The following KMT2B variants were observed in gnomAD, a reference collection of about 807,000 sequenced individuals.
KMT2B encodes the protein lysine methyltransferase 2B.
KMT2B carries 22 observed loss-of-function variants against 255.3 expected under a neutral mutation model. That is an observed-to-expected ratio of 0.09 (90% CI 0.06 to 0.12). KMT2B has a LOEUF of 0.12. Among genes scored for constraint, KMT2B ranks in the 10% least tolerant of loss-of-function variants. The probability of loss-of-function intolerance (pLI) is 1.00; values close to 1 mark genes in which losing one functional copy is unlikely to be tolerated. For synonymous variants in KMT2B, 1,730 were observed against 1,498.1 expected (o/e 1.15, Z -3.57); for missense variants, 3,149 against 3,737.0 (o/e 0.84, Z 4.10).
Position 35,720,025 on chromosome 19 carries a change from G to A in KMT2B, c.678G>A (p.Arg226=), listed in dbSNP as rs1398647497. The A allele has an allele frequency of 1.2e-6, 2 of 1,612,224 alleles. No homozygotes were observed. Among genetic ancestry groups the A allele is most frequent in the African/African-American group, 1.3e-5 (1 of 74,910 alleles). The stretch of plus-strand genomic sequence containing the variant: ...GGTCTCGGGGACGGCCCCCAGGACG[G>A]CCAGCAGGCCCCTGCAGGAGGAAGC... ...PRRSRGRPPG[R]PAGPCRRKQQ... Residue 226 remains arginine (R), a synonymous_variant, in exon 3 of 37, where the codon CGG becomes CGA. Transcript: ENST00000420124.
At position 35,737,007 on chromosome 19, in the gene KMT2B, G is replaced by A. The variant is rs559838858; in HGVS notation, c.7372+21G>A. 4.3e-6 allele frequency: 7 copies of A among 1,612,146 alleles called. No individual in the cohort carries two copies. The highest frequency in any genetic ancestry group is 5.1e-6 in the Non-Finnish European group (6 of 1,179,028). Reference sequence around the variant, plus strand: ...TAGTGGTAAGGAGTGGGCCCCACAGGGGGCAGGGAGCTGGATGTCTCCCCG... The same window carrying A: ...TAGTGGTAAGGAGTGGGCCCCACAGAGGGCAGGGAGCTGGATGTCTCCCCG... On this transcript the variant is annotated intron_variant, in intron 32 of 36. Transcript: ENST00000420124. The surrounding 1 kb of genome is among the most constrained non-coding windows in gnomAD (Gnocchi z 5.3).
At position 35,720,400 on chromosome 19, in the gene KMT2B, C is replaced by T. The variant is rs531444852; in HGVS notation, c.1053C>T (p.Ser351=). Residue 351 remains serine (S), a synonymous_variant, in exon 3 of 37, where the codon AGC becomes AGT. Coordinates refer to ENST00000420124, the MANE Select transcript of KMT2B (RefSeq NM_014727.3). ...QRRVGSGQGG[S]PCWKKQEQKL... ...GAGTTGGATCTGGACAGGGAGGGAGCCCTTGCTGGAAAAAGCAGGAACAGA... is the reference window on the plus strand; with the variant it reads ...GAGTTGGATCTGGACAGGGAGGGAGTCCTTGCTGGAAAAAGCAGGAACAGA... The T allele has an allele frequency of 2.5e-6, 4 of 1,573,108 alleles. No individual in the cohort carries two copies. Among genetic ancestry groups the T allele is most frequent in the East Asian group, 2.3e-5 (1 of 42,920 alleles).
In KMT2B at chr19:35,733,169, A is replaced by G; in HGVS notation, c.6620A>G (p.Glu2207Gly). 6.4e-7 allele frequency: 1 copy of G among 1,567,996 alleles called. No individual in the cohort carries two copies. Among genetic ancestry groups the G allele is most frequent in the Non-Finnish European group, 8.7e-7 (1 of 1,154,656 alleles). Residue 2207 changes from glutamate (E) to glycine (G), a missense_variant, in exon 28 of 37, where the codon GAG (glutamate) becomes GGG (glycine). Glu to Gly is a moderately conservative substitution (Grantham distance 98, BLOSUM62 -2). Transcript: ENST00000420124. This position sits in a 1 kb window ranked among gnomAD's most constrained non-coding sequence, Gnocchi z 4.3. Reference protein sequence around the residue: ...LGQVFVKMAGEGEPVPPPVKQ... With the variant: ...LGQVFVKMAGGGEPVPPPVKQ... The stretch of plus-strand genomic sequence containing the variant: ...CAAGTATTTGTGAAGATGGCTGGGG[A>G]GGGTGAACCTGTCCCACCCCCAGTG...
At position 35,720,650 on chromosome 19, in the gene KMT2B, C is replaced by A. The variant is rs748073369; in HGVS notation, c.1303C>A (p.Pro435Thr). 2.7e-6 allele frequency: 4 copies of A among 1,474,038 alleles called. No homozygotes were observed. In the East Asian group the frequency reaches 7.5e-5, roughly 27 times the overall value. The allele number at this position is 1,474,038 out of a possible 1,614,324, so 91.3% of individuals were successfully genotyped here. The change falls in exon 3 of 37, where the codon CCA (proline) becomes ACA (threonine). Residue 435 changes from proline (P) to threonine (T), a missense_variant. Around this residue, in one of 18 missense-constraint regions of KMT2B, gnomAD observed 1,188 missense variants for 1,106.4 expected, o/e 1.07. Coordinates refer to ENST00000420124, the MANE Select transcript of KMT2B (RefSeq NM_014727.3). ...CCCACTCTGCCCTCCACCACCACCC[C>A]CAGTGTCCCCACCACCTCTACCATC... ...PPPLCPPPPP[P>T]VSPPPLPSPP...
At position 35,727,740 on chromosome 19, in the gene KMT2B, C is replaced by T. The variant is rs1389120669; in HGVS notation, c.4345C>T (p.Leu1449=). 2 of 1,613,880 alleles carry T rather than the reference C, an allele frequency of 1.2e-6. No homozygotes were observed. The highest frequency in any genetic ancestry group is 1.7e-5 in the Admixed American group (1 of 60,036). Residue 1449 remains leucine (L), a synonymous_variant, in exon 17 of 37, where the codon CTG becomes TTG. Transcript: ENST00000420124. This position sits in a 1 kb window ranked among gnomAD's most constrained non-coding sequence, Gnocchi z 4.2. ...GCAACTGCACCCAGGACCCTGCGGC[C>T]TGCAAGCTGTGAGTCAGCGCTTCGA... ...GKQLHPGPCG[L]QAVSQRFEDG...
At position 35,732,628 on chromosome 19, in the gene KMT2B, G is replaced by T. The variant is rs1404813734; in HGVS notation, c.6079G>T (p.Glu2027Ter). The T allele has an allele frequency of 1.2e-6, 2 of 1,611,678 alleles. No homozygotes were observed. The highest frequency in any genetic ancestry group is 1.3e-5 in the African/African-American group (1 of 75,034). The change falls in exon 28 of 37, where the codon GAG becomes TAG. Residue 2027 changes from glutamate (E) to a stop codon, truncating the protein, a stop_gained. Coordinates refer to ENST00000420124, the MANE Select transcript of KMT2B (RefSeq NM_014727.3). LOFTEE classifies it high-confidence loss of function. Reference protein sequence around the residue: ...HGGPGDSSEEESSPTSRYIHF... With the variant: ...HGGPGDSSEE ...GGGCCCGGGGGACAGCTCCGAGGAG[G>T]AGTCCAGCCCCACCTCCCGCTACAT...
Position 35,729,266 on chromosome 19 carries a change from G to T in KMT2B, c.4887G>T (p.Val1629=), listed in dbSNP as rs756764266. The T allele has an allele frequency of 6.2e-7, 1 of 1,602,528 alleles. No homozygotes were observed. The change falls in exon 22 of 37, where the codon GTG becomes GTT. Residue 1629 remains valine, a synonymous_variant. Transcript: ENST00000420124. ...FEENDGSLKN[V]HAAVARGRQM... ...AGAACGACGGCTCCCTCAAGAATGT[G>T]CATGCTGCTGTGGCCCGAGGGAGGC...
In KMT2B at chr19:35,722,822, G is replaced by T. The variant is rs1013545729; in HGVS notation, c.2722+104G>T. On this transcript the variant is annotated intron_variant, in intron 5 of 36. Transcript: ENST00000420124. ...GAGAGGGAGCCAAGTCAGGTGCTCAGGGGTTAGGTGGCAAGTGGGCTGGAG... is the reference window on the plus strand; with the variant it reads ...GAGAGGGAGCCAAGTCAGGTGCTCATGGGTTAGGTGGCAAGTGGGCTGGAG... 8.2e-6 allele frequency: 12 copies of T among 1,463,522 alleles called. 1 individual carries two copies. In the South Asian group the frequency reaches 1.5e-4, roughly 19 times the overall value. 90.7% of individuals were successfully genotyped at this position (1,463,522 alleles called of 1,614,324 possible). A position where few individuals can be genotyped will look rare whatever the true frequency, so the allele number is the denominator to read the frequency against.
In KMT2B at chr19:35,732,276, C is replaced by T. The variant is rs762810567; in HGVS notation, c.5727C>T (p.Pro1909=). ...PTVGDPDFPA[P]PRRSRRPSPL... ...TGGGAGACCCGGACTTCCCAGCTCC[C>T]CCCAGACGTTCCCGTCGTCCCAGCC... Residue 1909 remains proline (P), a synonymous_variant, in exon 28 of 37, where the codon CCC becomes CCT. Transcript: ENST00000420124. The T allele has an allele frequency of 6.2e-7, 1 of 1,610,546 alleles. No homozygotes were observed. Among genetic ancestry groups the T allele is most frequent in the Admixed American group, 1.7e-5 (1 of 59,686 alleles).
In KMT2B at chr19:35,738,644, C is replaced by T. The variant is rs1970015598; in HGVS notation, c.*87C>T. The T allele has an allele frequency of 7.1e-7, 1 of 1,409,530 alleles. No homozygotes were observed. The highest frequency in any genetic ancestry group is 9.6e-7 in the Non-Finnish European group (1 of 1,041,652). The allele number at this position is 1,409,530 out of a possible 1,614,324, so 87.3% of individuals were successfully genotyped here. On this transcript the variant is annotated 3_prime_UTR_variant, in exon 37 of 37. Coordinates refer to ENST00000420124, the MANE Select transcript of KMT2B (RefSeq NM_014727.3). The surrounding 1 kb of genome is among the most constrained non-coding windows in gnomAD (Gnocchi z 8.7). The stretch of plus-strand genomic sequence containing the variant: ...TAGCCTGGGGGCTCCCTAGCCCCTC[C>T]CAGAGCATCTCACCCCCACCCTCAT...
At chr19:35,728,674 G>C (rs1568377096) in intron 19 of KMT2B, 100 bp from the exon 20 acceptor site, 1 of 803,508 alleles carries the variant, frequency 1.2e-6, no homozygotes, top group African/African-American at 1.7e-5. Flanking sequence ...CATAGAGAGG[G>C]AGTAGCGGGT....
In KMT2B at chr19:35,738,033, CT is replaced by C. The variant is rs1405657713; in HGVS notation, c.7743-28del. 4.3e-6 allele frequency: 7 copies of C among 1,612,964 alleles called. No individual in the cohort carries two copies. Among genetic ancestry groups the C allele is most frequent in the South Asian group, 2.2e-5 (2 of 91,034 alleles). ...TGTCTGGTTTCTGTCCCCCTCCCCC[CT>C]GAGTTCCCTGTTCATCCTGCCCTGC... On this transcript the variant is annotated intron_variant, in intron 35 of 36. Coordinates refer to ENST00000420124, the MANE Select transcript of KMT2B (RefSeq NM_014727.3). The surrounding 1 kb of genome is among the most constrained non-coding windows in gnomAD (Gnocchi z 8.7).
intron 14 of KMT2B, 43 bp downstream of exon 14, chr19:35,726,396 G>T (rs775018643): frequency 2.3e-6 from 3 of 1,312,546 alleles, no homozygotes; most frequent in Non-Finnish European, 2.2e-6. Flanking sequence ...GGCCACAGGG[G>T]AATGGCCAGG....
At chr19:35,726,497 C>T in intron 14 of KMT2B, 144 bp downstream of exon 14, 1 of 654,030 alleles carries the variant, frequency 1.5e-6, no homozygotes, top group Non-Finnish European at 2.8e-6. Context: ...GGAACTCTTC[C>T]ACAGGAGTCC....
At chr19:35,729,662 A>G (rs1018692657) in intron 22 of KMT2B, among the ~76,000 whole-genome samples, 2 of 152,040 alleles carry the variant, frequency 1.3e-5, no homozygotes, top group Non-Finnish European at 2.9e-5. Flanking sequence ...ACTCTCGGGC[A>G]TTGGGGTGGT....
At position 35,722,395 on chromosome 19, in the gene KMT2B, G is replaced by T; in HGVS notation, c.2494G>T (p.Ala832Ser). The T allele has an allele frequency of 6.2e-7, 1 of 1,610,960 alleles. No homozygotes were observed. The highest frequency in any genetic ancestry group is 8.5e-7 in the Non-Finnish European group (1 of 1,179,774). Reference sequence around the variant, plus strand: ...AGGGCAGATGGAGGAGGTGGCCGGGGCTGTCAAGCAGATCTCCGACAGAGG... The same window carrying T: ...AGGGCAGATGGAGGAGGTGGCCGGGTCTGTCAAGCAGATCTCCGACAGAGG... Reference protein sequence around the residue: ...PGGQMEEVAGAVKQISDRGPV... With the variant: ...PGGQMEEVAGSVKQISDRGPV... The change falls in exon 4 of 37, where the codon GCT becomes TCT. Residue 832 changes from alanine (A) to serine (S), a missense_variant. Physicochemically the swap from Ala to Ser is moderately conservative, Grantham distance 99. This residue lies in a region of KMT2B where 1,188 missense variants were observed against 1,106.4 expected (regional missense o/e 1.07). Transcript: ENST00000420124.
intron 19 of KMT2B, 90 bp downstream of exon 19, chr19:35,728,261 C>A: frequency 1.7e-6 from 2 of 1,166,842 alleles, no homozygotes; most frequent in Non-Finnish European, 2.5e-6. Flanking sequence ...AAGAGATGAG[C>A]AGAGGTAGGG....
chr19:35,733,746 C>G lies in KMT2B; in HGVS notation c.7050-17C>G. The G allele has an allele frequency of 6.2e-7, 1 of 1,611,116 alleles. No homozygotes were observed. The highest frequency in any genetic ancestry group is 1.3e-5 in the African/African-American group (1 of 74,914). ...GGACCTCTGTCCTTCCCCTTCCTGACAGGTCTCTTCTCGCAGGCCCCTCCA... is the reference window on the plus strand; with the variant it reads ...GGACCTCTGTCCTTCCCCTTCCTGAGAGGTCTCTTCTCGCAGGCCCCTCCA... On this transcript the variant is annotated splice_polypyrimidine_tract_variant and intron_variant, in intron 29 of 36. Transcript: ENST00000420124. This position sits in a 1 kb window ranked among gnomAD's most constrained non-coding sequence, Gnocchi z 4.3.
In KMT2B at chr19:35,732,712, G is replaced by GC. The variant is rs765758919; in HGVS notation, c.6169dup (p.Arg2057ProfsTer3). On this transcript the variant is annotated frameshift_variant, in exon 28 of 37. Coordinates refer to ENST00000420124, the MANE Select transcript of KMT2B (RefSeq NM_014727.3). LOFTEE classifies it high-confidence loss of function. ...TCTGGCCCCCAGCGCTACCCCTGGAGCCCCCCGCATTGAACAGCTGGACGG... is the reference window on the plus strand; with the variant it reads ...TCTGGCCCCCAGCGCTACCCCTGGAGCCCCCCCGCATTGAACAGCTGGACGG... 1.9e-6 allele frequency: 3 copies of GC among 1,609,524 alleles called. No individual in the cohort carries two copies.
Sources: gnomAD v4.1 joint callset for allele counts (sites outside exome capture counted in the v4.1 genomes callset) on GRCh38, gnomAD v4.1.1 for gene constraint, gnomAD v4.1.1 regional missense constraint, Gnocchi (gnomAD v3.1) non-coding constraint, MANE v1.5 for transcripts, NCBI Gene and HGNC (gene_info 2026-07-23, HGNC 2026-07-21) for gene names.